PAPPA2: variants seen among roughly 807,000 people sequenced by gnomAD.
The protein encoded by PAPPA2 is pappalysin-2.
PAPPA2 carries 86 observed loss-of-function variants against 176.4 expected under a neutral mutation model. That is an observed-to-expected ratio of 0.49 (90% CI 0.41 to 0.58). The LOEUF is 0.58. Among genes scored for constraint, PAPPA2 ranks in the 20% least tolerant of loss-of-function variants. The pLI is 0.00. For missense variants in PAPPA2, 2,073 were observed against 2,256.9 expected (o/e 0.92, Z 1.65); for synonymous variants, 809 against 852.2 (o/e 0.95, Z 0.88).
intron 14 of PAPPA2, among the ~76,000 whole-genome samples, chr1:176,759,290 C>G (rs1375188689): frequency 6.6e-6 from 1 of 152,156 alleles, no homozygotes; most frequent in Non-Finnish European, 1.5e-5. Context: ...GTAGGAAGTT[C>G]TGAAATATCC....
intron 17 of PAPPA2, 104 bp downstream of exon 17, chr1:176,771,284 T>G (rs143677226): frequency 8.2e-7 from 1 of 1,219,006 alleles, no homozygotes; most frequent in South Asian, 1.4e-5. Flanking sequence ...TATTCTCCAG[T>G]CATGACAGGC....
chr1:176,650,434 G>A (rs1179961844), intron 3 of PAPPA2, among the ~76,000 whole-genome samples: 1 of 149,618 alleles, frequency 6.7e-6, no homozygotes, highest in African/African-American at 2.5e-5. Flanking sequence ...TATACTTTAA[G>A]TTCTAGGGTA....
chr1:176,498,750 C>G (rs1558403273), intron 1 of PAPPA2, among the ~76,000 whole-genome samples: 1 of 125,236 alleles, frequency 8.0e-6, no homozygotes, highest in Non-Finnish European at 1.7e-5. Context: ...ACTCTTACCT[C>G]CAAAAAAAAA....
intron 1 of PAPPA2, among the ~76,000 whole-genome samples, chr1:176,541,237 C>T (rs1392420635): frequency 6.6e-6 from 1 of 152,222 alleles, no homozygotes; most frequent in Non-Finnish European, 1.5e-5. Context: ...ACAAACCATA[C>T]AGAGATGCAG....
chr1:176,528,680 C>T (rs1649627311), intron 1 of PAPPA2, among the ~76,000 whole-genome samples: 1 of 152,202 alleles, frequency 6.6e-6, no homozygotes, highest in Non-Finnish European at 1.5e-5. Flanking sequence ...CCCTTCCCTC[C>T]AGTCCAAATT....
In PAPPA2 at chr1:176,668,865, C is replaced by CTT. The variant is rs1573223335; in HGVS notation, c.1992-2105_1992-2104insTT. On this transcript the variant is annotated intron_variant, in intron 3 of 22. Transcript: ENST00000367662. ...CATACCCAGTTTGCCACCAGCATGACATAAATACTGTCATCTGGAAGGGTA... is the reference window on the plus strand; with the variant it reads ...CATACCCAGTTTGCCACCAGCATGACTTATAAATACTGTCATCTGGAAGGGTA... 2.6e-5 allele frequency among the ~76,000 whole-genome samples: 4 copies of CTT among 152,222 alleles called. No individual in the cohort carries two copies. The East Asian group carries it at 7.7e-4, about 29-fold the overall frequency.
intron 3 of PAPPA2, among the ~76,000 whole-genome samples, chr1:176,667,594 A>G (rs1306340666): frequency 6.6e-6 from 1 of 152,096 alleles, no homozygotes; most frequent in Non-Finnish European, 1.5e-5. Context: ...GATCAGGTCA[A>G]AGGTGATATT....
At chr1:176,808,638 A>C (rs1234404761) in intron 21 of PAPPA2, among the ~76,000 whole-genome samples, 1 of 152,202 alleles carries the variant, frequency 6.6e-6, no homozygotes, top group African/African-American at 2.4e-5. Flanking sequence ...GCCACATGCA[A>C]ATAGCTATAA....
intron 17 of PAPPA2, among the ~76,000 whole-genome samples, chr1:176,778,022 TA>T (rs1432453130): frequency 6.9e-6 from 1 of 144,132 alleles, no homozygotes; most frequent in Non-Finnish European, 1.5e-5. Context: ...GTTCCTATGC[TA>T]AAAACAAAAC....
intron 14 of PAPPA2, among the ~76,000 whole-genome samples, chr1:176,753,146 G>A (rs1471272146): frequency 6.6e-6 from 1 of 152,166 alleles, no homozygotes; most frequent in Non-Finnish European, 1.5e-5. Flanking sequence ...GTGTGAAAAT[G>A]TTTCTTCTTG....
chr1:176,649,924 T>A (rs1049539982), intron 3 of PAPPA2, among the ~76,000 whole-genome samples: 1 of 151,668 alleles, frequency 6.6e-6, no homozygotes, highest in African/African-American at 2.4e-5. Flanking sequence ...TGTACTATAG[T>A]GTACAATTTA....
intron 2 of PAPPA2, among the ~76,000 whole-genome samples, chr1:176,590,916 A>T (rs914517094): frequency 6.6e-6 from 1 of 152,274 alleles, no homozygotes; most frequent in South Asian, 2.1e-4. Flanking sequence ...TCAGAACCTC[A>T]GTGTCTGCAT....
intron 3 of PAPPA2, among the ~76,000 whole-genome samples, chr1:176,626,129 G>C: frequency 6.6e-6 from 1 of 152,134 alleles, no homozygotes; most frequent in East Asian, 1.9e-4. Context: ...CCACCACCCA[G>C]GTTGAGACAA....
intron 1 of PAPPA2, among the ~76,000 whole-genome samples, chr1:176,539,223 T>C (rs1428657713): frequency 6.6e-6 from 1 of 152,180 alleles, no homozygotes; most frequent in African/African-American, 2.4e-5. Flanking sequence ...AATTTCCTCA[T>C]CTGGCTGCCA....
chr1:176,598,905 T>C (rs1654129973), intron 3 of PAPPA2, among the ~76,000 whole-genome samples: 1 of 152,134 alleles, frequency 6.6e-6, no homozygotes, highest in Non-Finnish European at 1.5e-5. Context: ...TATCTCTTAA[T>C]TTACTACCTT....
intron 12 of PAPPA2, among the ~76,000 whole-genome samples, chr1:176,737,825 A>G (rs1662487423): frequency 6.6e-6 from 1 of 152,110 alleles, no homozygotes; most frequent in South Asian, 2.1e-4. Flanking sequence ...CACTCACACC[A>G]TAAGGCCTAC....
chr1:176,842,643 T>C lies in PAPPA2; in HGVS notation c.*189T>C, dbSNP rs544467682. 1.4e-5 allele frequency: 8 copies of C among 581,148 alleles called. No individual in the cohort carries two copies. The highest frequency in any genetic ancestry group is 9.4e-5 in the African/African-American group (5 of 53,088). The allele number at this position is 581,148 out of a possible 1,614,324, so 36.0% of individuals were successfully genotyped here. Reference sequence around the variant, plus strand: ...GAACTAGTTCATCAAGTAGCCCAAGTAGGAGAGAATCATAGGCAAAAGTTT... The same window carrying C: ...GAACTAGTTCATCAAGTAGCCCAAGCAGGAGAGAATCATAGGCAAAAGTTT... On this transcript the variant is annotated 3_prime_UTR_variant, in exon 23 of 23. Coordinates refer to ENST00000367662, the MANE Select transcript of PAPPA2 (RefSeq NM_020318.3).
intron 4 of PAPPA2, among the ~76,000 whole-genome samples, chr1:176,687,516 T>G (rs1197181721): frequency 4.6e-5 from 7 of 152,218 alleles, no homozygotes; most frequent in Non-Finnish European, 7.3e-5. Flanking sequence ...CACCCCCATA[T>G]TCTCAAGTGT....
At chr1:176,839,066 C>T (rs941456818) in intron 21 of PAPPA2, among the ~76,000 whole-genome samples, 5 of 152,072 alleles carry the variant, frequency 3.3e-5, no homozygotes, top group Non-Finnish European at 5.9e-5. Context: ...TAAGGAGGGT[C>T]GGGGGAAGAG....
Sources: allele counts gnomAD v4.1 joint callset (sites outside exome capture counted in the v4.1 genomes callset), GRCh38; gene constraint gnomAD v4.1.1; transcripts MANE v1.5; gene names NCBI Gene and HGNC (gene_info 2026-07-23, HGNC 2026-07-21).